Variants in LTAP1 observed in about 807,000 individuals in gnomAD.
The protein encoded by LTAP1 is lipid transport auxiliary protein 1, also known as HCV NS5A-transactivated protein 4.
the LTAP1 span, among the ~76,000 whole-genome samples, chr1:154,218,358 A>G: frequency 6.6e-6 from 1 of 152,324 alleles, no homozygotes; most frequent in Non-Finnish European, 1.5e-5. Context: ...TTTTAAGCAA[A>G]AGGAATATTG....
At chr1:154,213,691 C>T in the LTAP1 span, among the ~76,000 whole-genome samples, 1 of 152,196 alleles carries the variant, frequency 6.6e-6, no homozygotes, top group Non-Finnish European at 1.5e-5. Context: ...AAAAACAAAA[C>T]ACCCAGACTC....
At chr1:154,218,863 G>A in the LTAP1 span, among the ~76,000 whole-genome samples, 1 of 152,182 alleles carries the variant, frequency 6.6e-6, no homozygotes, top group African/African-American at 2.4e-5. Context: ...GGAAAAATCA[G>A]GGTACCATGT....
the LTAP1 span, chr1:154,220,274 CAGCTCA>C: frequency 2.5e-6 from 4 of 1,569,660 alleles, no homozygotes; most frequent in Non-Finnish European, 3.5e-6. Flanking sequence ...AGACGGGGTA[CAGCTCA>C]AAAGGAGGGT....
chr1:154,220,582 G>A, the LTAP1 span: 1 of 652,192 alleles, frequency 1.5e-6, no homozygotes, highest in Non-Finnish European at 2.7e-6. Context: ...AGGAGAGCTG[G>A]GAAAGGAGAA....
chr1:154,214,708 C>A, the LTAP1 span: 3 of 610,392 alleles, frequency 4.9e-6, no homozygotes, highest in Non-Finnish European at 8.6e-6. Flanking sequence ...AATAAAATTA[C>A]CAGATAAGAG....
At chr1:154,210,435 T>G in the LTAP1 span, among the ~76,000 whole-genome samples, 3 of 152,290 alleles carry the variant, frequency 2.0e-5, no homozygotes, top group African/African-American at 7.2e-5. Context: ...AAGAGCAATA[T>G]TCAACATAGC....
the LTAP1 span, among the ~76,000 whole-genome samples, chr1:154,210,360 ACAACGTAGCT>A: frequency 6.6e-6 from 1 of 152,128 alleles, no homozygotes; most frequent in Non-Finnish European, 1.5e-5. Context: ...ATCTTTTAAG[ACAACGTAGCT>A]CATTTTTAGG....
chr1:154,217,515 G>A, the LTAP1 span, among the ~76,000 whole-genome samples: 4 of 151,912 alleles, frequency 2.6e-5, no homozygotes, highest in African/African-American at 9.7e-5. Flanking sequence ...CGGCATTTTG[G>A]CTTTCTTCAC....
chr1:154,215,224 A>G, the LTAP1 span, among the ~76,000 whole-genome samples: 1 of 152,072 alleles, frequency 6.6e-6, no homozygotes, highest in African/African-American at 2.4e-5. Flanking sequence ...AAATTAACAC[A>G]TATTTCTTTT....
chr1:154,218,981 G>C, the LTAP1 span, among the ~76,000 whole-genome samples: 2 of 152,164 alleles, frequency 1.3e-5, no homozygotes, highest in Admixed American at 1.3e-4. Flanking sequence ...GCCAATTGAA[G>C]ACCATTCCAG....
the LTAP1 span, chr1:154,212,143 C>G: frequency 1.4e-6 from 1 of 714,444 alleles, no homozygotes. Flanking sequence ...AGGCGTGAAC[C>G]ACTGTGCCCG....
the LTAP1 span, among the ~76,000 whole-genome samples, chr1:154,215,975 C>A: frequency 6.6e-6 from 1 of 151,764 alleles, no homozygotes; most frequent in Non-Finnish European, 1.5e-5. Flanking sequence ...GTAGCTGGGA[C>A]TACAGGCGCC....
chr1:154,207,296 TTAG>T, the LTAP1 span: 1 of 674,410 alleles, frequency 1.5e-6, no homozygotes, highest in South Asian at 1.9e-5. Flanking sequence ...GAATTACCCT[TTAG>T]ACACAAGCTC....
the LTAP1 span, chr1:154,219,859 G>A: frequency 6.2e-6 from 10 of 1,611,948 alleles, no homozygotes; most frequent in Non-Finnish European, 8.5e-6. Flanking sequence ...TGTCCCACAG[G>A]GACATGAGGT....
the LTAP1 span, chr1:154,212,779 A>G: frequency 2.7e-6 from 2 of 729,520 alleles, no homozygotes; most frequent in Middle Eastern, 4.0e-4. Flanking sequence ...CTCTAGTCTC[A>G]GCCTCCTGAT....
chr1:154,209,569 T>C, the LTAP1 span, among the ~76,000 whole-genome samples: 3 of 151,110 alleles, frequency 2.0e-5, no homozygotes, highest in South Asian at 2.1e-4. Context: ...GGACTACAGG[T>C]AGGTGGTCGC....
the LTAP1 span, among the ~76,000 whole-genome samples, chr1:154,210,941 T>C: frequency 1.3e-5 from 2 of 152,294 alleles, no homozygotes; most frequent in African/African-American, 4.8e-5. Context: ...TCTATAGCGA[T>C]GGCCTTTGTT....
At chr1:154,207,779 T>G in the LTAP1 span, 8 of 772,980 alleles carry the variant, frequency 1.0e-5, no homozygotes, top group African/African-American at 1.8e-5. Flanking sequence ...TTTTGTAAAC[T>G]AGTTACTAAA....
chr1:154,207,659 G>C, the LTAP1 span: 6 of 1,584,936 alleles, frequency 3.8e-6, no homozygotes, highest in Non-Finnish European at 5.1e-6. Flanking sequence ...CTGAAGAACA[G>C]AGAGGGGAGG....
Sources: gnomAD v4.1 joint callset for allele counts (sites outside exome capture counted in the v4.1 genomes callset) on GRCh38, gnomAD v4.1.1 for gene constraint, MANE v1.5 for transcripts, NCBI Gene and HGNC (gene_info 2026-07-23, HGNC 2026-07-21) for gene names.